The following TACC2 variants were observed in gnomAD, a reference collection of about 807,000 sequenced individuals.
The protein encoded by TACC2 is transforming acidic coiled-coil containing protein 2, also known as transforming acidic coiled-coil-containing protein 2.
Under a neutral mutation model 227.3 loss-of-function variants are expected in TACC2, and 137 were observed. The observed-to-expected ratio is 0.60, with a 90% CI of 0.52 to 0.69. The LOEUF is 0.69. Ranked by LOEUF, TACC2 falls within the 30% of genes least tolerant of loss-of-function variation. TACC2 has a pLI of 0.00. For missense variants in TACC2, 3,470 were observed against 3,694.4 expected (o/e 0.94, Z 1.57); for synonymous variants, 1,523 against 1,487.5 (o/e 1.02, Z -0.55).
intron 2 of TACC2, among the ~76,000 whole-genome samples, chr10:122,042,303 C>T (rs1450103225): frequency 1.3e-5 from 2 of 152,210 alleles, no homozygotes; most frequent in East Asian, 3.9e-4. Context: ...AGTTCAGTGG[C>T]ACAGTCTCAG....
intron 1 of TACC2, among the ~76,000 whole-genome samples, chr10:122,006,160 G>A (rs146338752): frequency 0.012 from 1,858 of 151,766 alleles, 43 homozygotes; most frequent in African/African-American, 0.041. Flanking sequence ...TTAAAAAATA[G>A]GATGCTGGCC....
At chr10:122,214,488 C>A (rs532710252) in intron 9 of TACC2, among the ~76,000 whole-genome samples, 1 of 152,226 alleles carries the variant, frequency 6.6e-6, no homozygotes, top group East Asian at 1.9e-4. Context: ...GGGATCACCC[C>A]CCAAAGCCTT....
At chr10:122,176,128 T>C (rs1374030508) in intron 7 of TACC2, among the ~76,000 whole-genome samples, 1 of 118,170 alleles carries the variant, frequency 8.5e-6, no homozygotes. Context: ...TATATATATA[T>C]ATATATATAT....
At chr10:122,237,919 C>G in intron 17 of TACC2, 42 bp from the exon 18 acceptor site, 1 of 1,476,006 alleles carries the variant, frequency 6.8e-7, no homozygotes, top group South Asian at 1.2e-5. Flanking sequence ...GCTGAATTCA[C>G]TCATTTGGGG....
At chr10:122,142,660 G>A (rs534359126) in intron 6 of TACC2, among the ~76,000 whole-genome samples, 2 of 152,316 alleles carry the variant, frequency 1.3e-5, no homozygotes, top group South Asian at 4.1e-4. Flanking sequence ...TCACTGCAAG[G>A]GCTGTGACGC....
intron 8 of TACC2, among the ~76,000 whole-genome samples, chr10:122,204,853 A>G (rs2095051089): frequency 6.6e-6 from 1 of 151,444 alleles, no homozygotes; most frequent in Admixed American, 6.6e-5. Flanking sequence ...GACGTGTGGC[A>G]TGCTCTAGGT....
At chr10:122,055,826 G>A (rs746852330) in intron 3 of TACC2, among the ~76,000 whole-genome samples, 7 of 152,230 alleles carry the variant, frequency 4.6e-5, no homozygotes, top group Admixed American at 2.0e-4. Flanking sequence ...GGACTTGTGC[G>A]TATGCGGGCA....
At position 122,082,848 on chromosome 10, in the gene TACC2, T is replaced by C. The variant is rs1388467605; in HGVS notation, c.348T>C (p.Cys116=). Residue 116 remains cysteine (C), a synonymous_variant, in exon 4 of 23, where the codon TGT becomes TGC. Transcript: ENST00000369005. ...HPSSSMPFAE[C]PPEGCLASPA... ...CGTCCTCCATGCCCTTTGCCGAGTG[T>C]CCCCCGGAAGGTTGCTTGGCAAGTC... is the stretch of plus-strand genomic sequence containing the variant. 3 of 1,613,290 alleles carry C rather than the reference T, an allele frequency of 1.9e-6. No homozygotes were observed. The East Asian group carries it at 6.7e-5, about 36-fold the overall frequency.
chr10:122,001,129 G>A (rs1002831507), intron 1 of TACC2, among the ~76,000 whole-genome samples: 1 of 152,150 alleles, frequency 6.6e-6, no homozygotes, highest in East Asian at 1.9e-4. Flanking sequence ...GGCCCTGTTG[G>A]ATTGTTTTAA....
chr10:122,098,312 T>G (rs190777847), intron 5 of TACC2, among the ~76,000 whole-genome samples: 1 of 152,310 alleles, frequency 6.6e-6, no homozygotes, highest in Non-Finnish European at 1.5e-5. Flanking sequence ...TGGAGAATGT[T>G]AGATTTGCAG....
chr10:122,168,870 G>A (rs2093332137), intron 7 of TACC2, among the ~76,000 whole-genome samples: 1 of 152,230 alleles, frequency 6.6e-6, no homozygotes, highest in Non-Finnish European at 1.5e-5. Context: ...TCTTGCAGAT[G>A]GATTACCCAA....
At position 122,150,875 on chromosome 10, in the gene TACC2, T is replaced by C. The variant is rs2091970371; in HGVS notation, c.5834+7169T>C. Among the ~76,000 whole-genome samples the C allele has an allele frequency of 6.6e-6, 1 of 152,146 alleles. No homozygotes were observed. The highest frequency in any genetic ancestry group is 2.4e-5 in the African/African-American group (1 of 41,444). ...CAGCCTCTCGGCAGATACATCCCGG[T>C]TGATTCTATGCCACGGACTATTCGG... On this transcript the variant is annotated intron_variant, in intron 7 of 22. Coordinates refer to ENST00000369005, the MANE Select transcript of TACC2 (RefSeq NM_206862.4). This position sits in a 1 kb window ranked among gnomAD's most constrained non-coding sequence, Gnocchi z 4.0.
At chr10:122,135,658 T>A (rs1182556264) in intron 6 of TACC2, among the ~76,000 whole-genome samples, 1 of 151,996 alleles carries the variant, frequency 6.6e-6, no homozygotes, top group Non-Finnish European at 1.5e-5. Flanking sequence ...CAGTCGATCC[T>A]CGTTGGCAGA....
At chr10:122,215,545 G>A in intron 10 of TACC2, 94 bp downstream of exon 10, 1 of 1,094,314 alleles carries the variant, frequency 9.1e-7, no homozygotes, top group Non-Finnish European at 1.4e-6. Context: ...CTCATCCCGG[G>A]CCTGTTTCCA....
At chr10:122,021,269 C>A (rs10887046) in intron 1 of TACC2, among the ~76,000 whole-genome samples, 1 of 150,532 alleles carries the variant, frequency 6.6e-6, no homozygotes, top group Non-Finnish European at 1.5e-5. Flanking sequence ...CATTAATAAA[C>A]CATGTCACTA....
At position 122,120,575 on chromosome 10, in the gene TACC2, T is replaced by A. The variant is rs1264785432; in HGVS notation, c.5574-12034T>A. Among the ~76,000 whole-genome samples the A allele has an allele frequency of 3.3e-5, 5 of 152,244 alleles. No homozygotes were observed. In the East Asian group the frequency reaches 9.7e-4, roughly 29 times the overall value. On this transcript the variant is annotated intron_variant, in intron 5 of 22. Coordinates refer to ENST00000369005, the MANE Select transcript of TACC2 (RefSeq NM_206862.4). ...ATGAGTCGACGCTGCTCTGAGGCTG[T>A]AGGGTCCTTCGCTGAGAGAGTCAGA...
chr10:122,225,077 A>G (rs1427848675), intron 12 of TACC2, among the ~76,000 whole-genome samples: 1 of 152,170 alleles, frequency 6.6e-6, no homozygotes, highest in African/African-American at 2.4e-5. Flanking sequence ...AAAAAAAAAA[A>G]AAAGAGGTGG....
rs542779017 is a variant in TACC2 at position 122,141,693 on chromosome 10, G to C, written c.5700-1879G>C. On this transcript the variant is annotated intron_variant, in intron 6 of 22. Coordinates refer to ENST00000369005, the MANE Select transcript of TACC2 (RefSeq NM_206862.4). This position sits in a 1 kb window ranked among gnomAD's most constrained non-coding sequence, Gnocchi z 4.3. ...CTAAGGTAGCATCTCCCCCCCACCC[G>C]CCACTGTTTTCTAAGACAGAGATCC... 1.3e-5 allele frequency among the ~76,000 whole-genome samples: 2 copies of C among 151,824 alleles called. No individual in the cohort carries two copies. Among genetic ancestry groups the C allele is most frequent in the Non-Finnish European group, 2.9e-5 (2 of 67,976 alleles).
At chr10:122,020,760 G>T (rs1298002353) in intron 1 of TACC2, among the ~76,000 whole-genome samples, 1 of 152,098 alleles carries the variant, frequency 6.6e-6, no homozygotes, top group Non-Finnish European at 1.5e-5. Context: ...TACGGCTCCA[G>T]CTCTAAAAGT....
Sources: gnomAD v4.1 joint callset for allele counts (sites outside exome capture counted in the v4.1 genomes callset) on GRCh38, gnomAD v4.1.1 for gene constraint, Gnocchi (gnomAD v3.1) non-coding constraint, MANE v1.5 for transcripts, NCBI Gene and HGNC (gene_info 2026-07-23, HGNC 2026-07-21) for gene names.